PACRGL: variants seen among roughly 807,000 people sequenced by gnomAD.
PACRGL encodes parkin coregulated like, also known as PACRG-like protein.
Under a neutral mutation model 34.5 loss-of-function variants are expected in PACRGL, and 38 were observed. That is an observed-to-expected ratio of 1.10 (90% CI 0.85 to 1.44). The LOEUF is 1.44. Among genes scored for constraint, PACRGL ranks in the 40% most tolerant of loss-of-function variants. The pLI is 0.00. For synonymous variants in PACRGL, 128 were observed against 100.1 expected, an observed-to-expected ratio of 1.28 and a Z score of -1.66; for missense variants, 305 against 281.4, an observed-to-expected ratio of 1.08 and a Z score of -0.60.
At chr4:20,719,895 C>T (rs1220210165) in intron 7 of PACRGL, among the ~76,000 whole-genome samples, 1 of 151,992 alleles carries the variant, frequency 6.6e-6, no homozygotes, top group African/African-American at 2.4e-5. Context: ...TGTTAACTTT[C>T]TGTCTCGTTG....
rs776127481 is a variant in PACRGL at position 20,707,791 on chromosome 4, T to G, written c.208-12T>G. Reference sequence around the variant, plus strand: ...GTATAGGTGATAGTAATATTTTCATTTTTTATTTTAGTTTGGTGAACAGTC... The same window carrying G: ...GTATAGGTGATAGTAATATTTTCATGTTTTATTTTAGTTTGGTGAACAGTC... On this transcript the variant is annotated splice_polypyrimidine_tract_variant and intron_variant, in intron 3 of 8. Transcript: ENST00000503585. The G allele has an allele frequency of 1.9e-6, 3 of 1,611,662 alleles. No individual in the cohort carries two copies. Among genetic ancestry groups the G allele is most frequent in the Non-Finnish European group, 2.5e-6 (3 of 1,177,864 alleles).
exon 9 of PACRGL, chr4:20,752,752 A>G (rs571954000): frequency 2.0e-5 from 3 of 152,364 alleles, no homozygotes; most frequent in Admixed American, 1.3e-4. Flanking sequence ...TGACTGGGTG[A>G]GAGAAAGAAG....
rs1439649750 is a variant in PACRGL at position 20,730,058 on chromosome 4, T to C, written c.*2717T>C. 6.2e-7 allele frequency: 1 copy of C among 1,601,976 alleles called. No individual in the cohort carries two copies. The highest frequency in any genetic ancestry group is 8.5e-7 in the Non-Finnish European group (1 of 1,175,866). ...GGTAGAATAGTTCACATTTGTCTGT[T>C]GGATTCAGGATCTATTTGACAAGTT... On this transcript the variant is annotated 3_prime_UTR_variant, in exon 9 of 9. Transcript: ENST00000503585.
At chr4:20,745,062 C>T (rs187086458) in intron 8 of PACRGL, among the ~76,000 whole-genome samples, 4 of 152,292 alleles carry the variant, frequency 2.6e-5, no homozygotes, top group African/African-American at 9.6e-5. Context: ...AATGGTAGGA[C>T]AGAGATGTGC....
At chr4:20,726,498 T>A (rs1344887319) in intron 8 of PACRGL, among the ~76,000 whole-genome samples, 1 of 152,202 alleles carries the variant, frequency 6.6e-6, no homozygotes, top group African/African-American at 2.4e-5. Flanking sequence ...TTCTCTTGGC[T>A]TATTATTGTG....
chr4:20,699,593 G>T (rs2149014531), upstream of PACRGL, among the ~76,000 whole-genome samples: 1 of 152,302 alleles, frequency 6.6e-6, no homozygotes, highest in Admixed American at 6.5e-5. Flanking sequence ...AGCTACAGGA[G>T]CACAGAAGGA....
At chr4:20,740,703 G>A (rs1750851182) in intron 8 of PACRGL, among the ~76,000 whole-genome samples, 1 of 152,122 alleles carries the variant, frequency 6.6e-6, no homozygotes, top group Non-Finnish European at 1.5e-5. Flanking sequence ...CATAATGACA[G>A]GATCAAATTC....
rs890766747 is a variant in PACRGL, at chr4:20,728,339, G to A, written c.*998G>A. ...CTTAAAGATATTCAGCAATTAAAATGTTAAAACTTGTACATGCATTCATTG... is the reference window on the plus strand; with the variant it reads ...CTTAAAGATATTCAGCAATTAAAATATTAAAACTTGTACATGCATTCATTG... On this transcript the variant is annotated 3_prime_UTR_variant, in exon 9 of 9. Coordinates refer to ENST00000503585, the MANE Select transcript of PACRGL (RefSeq NM_001258345.3). The A allele has an allele frequency of 3.3e-5, 5 of 152,040 alleles. No homozygotes were observed. Among genetic ancestry groups the A allele is most frequent in the Admixed American group, 2.6e-4 (4 of 15,248 alleles). 9.4% of individuals were successfully genotyped at this position (152,040 alleles called of 1,614,324 possible). A position where few individuals can be genotyped will look rare whatever the true frequency, so the allele number is the denominator to read the frequency against.
intron 8 of PACRGL, among the ~76,000 whole-genome samples, chr4:20,748,806 A>C (rs548253734): frequency 6.7e-6 from 1 of 149,764 alleles, no homozygotes; most frequent in Non-Finnish European, 1.5e-5. Flanking sequence ...TTATTCTCCT[A>C]ATGTTTAAAT....
intron 7 of PACRGL, among the ~76,000 whole-genome samples, chr4:20,720,976 T>C (rs1742807697): frequency 6.6e-6 from 1 of 152,198 alleles, no homozygotes; most frequent in South Asian, 2.1e-4. Flanking sequence ...CAGACGTAGA[T>C]TTGGTCTTTT....
intron 3 of PACRGL, among the ~76,000 whole-genome samples, chr4:20,705,737 G>C (rs904554023): frequency 1.3e-5 from 2 of 151,740 alleles, no homozygotes; most frequent in African/African-American, 4.8e-5. Context: ...TTAGTCCTAA[G>C]TTTTAGTAAA....
chr4:20,705,630 C>T (rs147742698), intron 3 of PACRGL, among the ~76,000 whole-genome samples: 1 of 152,102 alleles, frequency 6.6e-6, no homozygotes, highest in East Asian at 1.9e-4. Context: ...GCTCTCACTT[C>T]CTTTGCTTAT....
the PACRGL span, among the ~76,000 whole-genome samples, chr4:20,764,118 T>C: frequency 6.6e-6 from 1 of 152,184 alleles, no homozygotes; most frequent in Non-Finnish European, 1.5e-5. Context: ...TATGGTTCTG[T>C]ATTCTATTTT....
At chr4:20,756,691 A>T (rs1238154974), downstream of PACRGL, among the ~76,000 whole-genome samples, 2 of 151,904 alleles carry the variant, frequency 1.3e-5, no homozygotes, top group Non-Finnish European at 2.9e-5. Flanking sequence ...GGCTGTCCTG[A>T]TCATGCCCAA....
upstream of PACRGL, among the ~76,000 whole-genome samples, chr4:20,697,176 A>G (rs1731278146): frequency 6.6e-6 from 1 of 152,180 alleles, no homozygotes; most frequent in East Asian, 1.9e-4. Context: ...TATAATGATG[A>G]TGTCTAACAT....
intron 7 of PACRGL, among the ~76,000 whole-genome samples, chr4:20,719,894 TC>T (rs1451722176): frequency 6.6e-6 from 1 of 152,056 alleles, no homozygotes; most frequent in African/African-American, 2.4e-5. Flanking sequence ...TTGTTAACTT[TC>T]TGTCTCGTTG....
chr4:20,719,241 G>C (rs1366724613), intron 7 of PACRGL, among the ~76,000 whole-genome samples: 1 of 151,988 alleles, frequency 6.6e-6, no homozygotes, highest in East Asian at 1.9e-4. Flanking sequence ...AGTCTTGCTA[G>C]CAGTCTATCA....
chr4:20,738,589 A>T lies in PACRGL; in HGVS notation c.*56+11192A>T, dbSNP rs141816968. On this transcript the variant is annotated intron_variant, in intron 8 of 8. Transcript: ENST00000507634. ...CACCACACAAAACAGCAGAGAAACAATGAAAGATTTAAAGATAGCACTTTT... is the reference window on the plus strand; with the variant it reads ...CACCACACAAAACAGCAGAGAAACATTGAAAGATTTAAAGATAGCACTTTT... Among the ~76,000 whole-genome samples, 354 of 152,348 alleles carry T rather than the reference A, an allele frequency of 2.3e-3. 8 individuals carry two copies. The South Asian group carries it at 0.046, about 20-fold the overall frequency.
rs1746825827 is a variant in PACRGL, at chr4:20,728,769, T to G, written c.*1428T>G. On this transcript the variant is annotated 3_prime_UTR_variant, in exon 9 of 9. Coordinates refer to ENST00000503585, the MANE Select transcript of PACRGL (RefSeq NM_001258345.3). ...GCAGGGCAGCTTTCAACATCCTATC[T>G]CTACACCAGAATAGATACCTGATTT... is the stretch of plus-strand genomic sequence containing the variant. The G allele has an allele frequency of 6.6e-6, 1 of 152,614 alleles. No homozygotes were observed. The highest frequency in any genetic ancestry group is 1.5e-5 in the Non-Finnish European group (1 of 68,030). 9.5% of individuals were successfully genotyped at this position (152,614 alleles called of 1,614,324 possible). A position where few individuals can be genotyped will look rare whatever the true frequency, so the allele number is the denominator to read the frequency against.
Sources: gnomAD v4.1 joint callset for allele counts (sites outside exome capture counted in the v4.1 genomes callset) on GRCh38, gnomAD v4.1.1 for gene constraint, MANE v1.5 for transcripts, NCBI Gene and HGNC (gene_info 2026-07-23, HGNC 2026-07-21) for gene names.